Variants in SLC8A1 observed in about 807,000 individuals in gnomAD.
SLC8A1 encodes solute carrier family 8 member A1, also known as sodium/calcium exchanger 1.
In SLC8A1, 18 loss-of-function variants were observed where a neutral mutation model predicts 68.3. The ratio of observed to expected loss-of-function variants is 0.26; its 90% CI spans 0.18 to 0.39. SLC8A1 has a LOEUF of 0.39. Among genes scored for constraint, SLC8A1 ranks in the 10% least tolerant of loss-of-function variants. The pLI, the probability that SLC8A1 is intolerant of heterozygous loss-of-function variation, is 1.00. For synonymous variants in SLC8A1, 475 were observed against 415.5 expected (o/e 1.14, Z -1.74); for missense variants, 985 against 1,156.7 (o/e 0.85, Z 2.15).
At chr2:40,301,690 G>A (rs2071491016) in intron 2 of SLC8A1, among the ~76,000 whole-genome samples, 1 of 152,156 alleles carries the variant, frequency 6.6e-6, no homozygotes, top group Non-Finnish European at 1.5e-5. Flanking sequence ...GCTAAGGCAG[G>A]TGGATCACTT....
At chr2:40,482,155 A>C (rs1704670675) in intron 1 of SLC8A1, among the ~76,000 whole-genome samples, 1 of 152,200 alleles carries the variant, frequency 6.6e-6, no homozygotes, top group Non-Finnish European at 1.5e-5. Context: ...GATATTGTTG[A>C]CTATAGCTAC....
At chr2:40,255,595 A>AGTT (rs1449570173) in intron 2 of SLC8A1, among the ~76,000 whole-genome samples, 1 of 152,026 alleles carries the variant, frequency 6.6e-6, no homozygotes, top group Non-Finnish European at 1.5e-5. Context: ...ACCTCTCTGG[A>AGTT]GTTTATTTTT....
intron 1 of SLC8A1, among the ~76,000 whole-genome samples, chr2:40,490,759 A>G (rs1183449091): frequency 2.6e-5 from 4 of 152,256 alleles, no homozygotes; most frequent in Non-Finnish European, 5.9e-5. Flanking sequence ...CAAGGTATTA[A>G]TAACACTAGT....
exon 8 of SLC8A1, chr2:40,101,724 G>A (rs2125026253): frequency 6.6e-6 from 1 of 152,220 alleles, no homozygotes; most frequent in East Asian, 1.9e-4. Context: ...AGCAGTGGGT[G>A]ACATTGTTCA....
chr2:40,285,201 A>T (rs2068117576), intron 2 of SLC8A1, among the ~76,000 whole-genome samples: 2 of 152,166 alleles, frequency 1.3e-5, no homozygotes, highest in African/African-American at 4.8e-5. Context: ...TCGCAGTTAG[A>T]GACAGACAAA....
At chr2:40,354,750 A>G (rs779434383) in intron 2 of SLC8A1, among the ~76,000 whole-genome samples, 2 of 152,226 alleles carry the variant, frequency 1.3e-5, no homozygotes, top group Non-Finnish European at 2.9e-5. Context: ...AGAAAGGGAA[A>G]TGCTAGGAAA....
chr2:40,347,417 G>A (rs529775657), intron 2 of SLC8A1, among the ~76,000 whole-genome samples: 1 of 152,340 alleles, frequency 6.6e-6, no homozygotes, highest in East Asian at 1.9e-4. Flanking sequence ...GTAGAAGTCA[G>A]CAGAGAAAGA....
intron 2 of SLC8A1, among the ~76,000 whole-genome samples, chr2:40,235,598 C>T (rs200919011): frequency 6.0e-5 from 9 of 151,116 alleles, no homozygotes; most frequent in East Asian, 1.9e-4. Flanking sequence ...TCTCTATTTC[C>T]TTCAGTTCTG....
chr2:40,134,524 G>C (rs2040117848), intron 7 of SLC8A1, among the ~76,000 whole-genome samples: 1 of 152,162 alleles, frequency 6.6e-6, no homozygotes, highest in Admixed American at 6.5e-5. Flanking sequence ...CCAAAATTAT[G>C]AAAGAGGAAA....
intron 2 of SLC8A1, among the ~76,000 whole-genome samples, chr2:40,247,659 A>T (rs577772513): frequency 1.1e-4 from 17 of 152,306 alleles, no homozygotes; most frequent in African/African-American, 3.4e-4. Context: ...TCTATTTTAA[A>T]TTTTTTGTTA....
At chr2:40,109,124 C>G (rs1274154465) in exon 8 of SLC8A1, 1 of 152,124 alleles carries the variant, frequency 6.6e-6, no homozygotes, top group Non-Finnish European at 1.5e-5. Flanking sequence ...TCTTAACTGT[C>G]AAAGTAGACA....
chr2:40,258,231 G>A (rs926504545), intron 2 of SLC8A1, among the ~76,000 whole-genome samples: 51 of 152,328 alleles, frequency 3.3e-4, no homozygotes, highest in African/African-American at 1.2e-3. Context: ...AAGGTCGGAT[G>A]TAGTGCTCAG....
chr2:40,485,147 A>G (rs1170812919), intron 1 of SLC8A1, among the ~76,000 whole-genome samples: 1 of 152,106 alleles, frequency 6.6e-6, no homozygotes, highest in Non-Finnish European at 1.5e-5. Context: ...CAGGCAGGCA[A>G]GGAGAGAACA....
chr2:40,340,610 C>A (rs1201351584), intron 2 of SLC8A1, among the ~76,000 whole-genome samples: 3 of 152,148 alleles, frequency 2.0e-5, no homozygotes, highest in Non-Finnish European at 4.4e-5. Flanking sequence ...GCACATCAAA[C>A]ACAGTTACCC....
intron 1 of SLC8A1, among the ~76,000 whole-genome samples, chr2:40,433,457 T>A (rs1559670862): frequency 1.3e-5 from 2 of 152,192 alleles, no homozygotes; most frequent in Non-Finnish European, 2.9e-5. Flanking sequence ...CAGTCACAGA[T>A]ACCATGCTAA....
chr2:40,407,912 T>G (rs1364446467), intron 2 of SLC8A1, among the ~76,000 whole-genome samples: 1 of 152,220 alleles, frequency 6.6e-6, no homozygotes, highest in Non-Finnish European at 1.5e-5. Context: ...TTCTATCCTG[T>G]GGATCTTCAC....
intron 1 of SLC8A1, among the ~76,000 whole-genome samples, chr2:40,476,292 C>A (rs1704294617): frequency 6.6e-6 from 1 of 152,160 alleles, no homozygotes; most frequent in Non-Finnish European, 1.5e-5. Flanking sequence ...CCCAGGGATG[C>A]CTCGGACCTT....
At chr2:40,122,899 T>G (rs546727771) in intron 7 of SLC8A1, among the ~76,000 whole-genome samples, 1 of 152,352 alleles carries the variant, frequency 6.6e-6, no homozygotes, top group East Asian at 1.9e-4. Flanking sequence ...TTTTCCTACT[T>G]TGTATCTGAT....
At chr2:40,481,773 C>T (rs896117749) in intron 1 of SLC8A1, among the ~76,000 whole-genome samples, 2 of 152,190 alleles carry the variant, frequency 1.3e-5, no homozygotes, top group Non-Finnish European at 2.9e-5. Flanking sequence ...GCCAGTTCTT[C>T]ATGTCTCCAT....
Sources: allele counts gnomAD v4.1 joint callset (sites outside exome capture counted in the v4.1 genomes callset), GRCh38; gene constraint gnomAD v4.1.1; transcripts MANE v1.5; gene names NCBI Gene and HGNC (gene_info 2026-07-23, HGNC 2026-07-21).